The following DDX10 variants were observed in gnomAD, a reference collection of about 807,000 sequenced individuals.
The protein encoded by DDX10 is DEAD-box helicase 10.
A neutral mutation model predicts 104.3 loss-of-function variants in DDX10; 74 were observed. The observed-to-expected ratio is 0.71, with a 90% CI of 0.59 to 0.86. The LOEUF is 0.86. Among genes scored for constraint, DDX10 ranks in the 40% least tolerant of loss-of-function variants. The pLI, the probability that DDX10 is intolerant of heterozygous loss-of-function variation, is 0.00. For missense variants in DDX10, 952 were observed against 1,040.0 expected, an observed-to-expected ratio of 0.92 and a Z score of 1.16; for synonymous variants, 351 against 353.4, an observed-to-expected ratio of 0.99 and a Z score of 0.08.
rs1169770439 is a variant in DDX10 at position 108,926,029 on chromosome 11, A to C, written c.2450+8011A>C. Among the ~76,000 whole-genome samples, 3 of 152,208 alleles carry C rather than the reference A, an allele frequency of 2.0e-5. No individual in the cohort carries two copies. The East Asian group carries it at 5.8e-4, about 29-fold the overall frequency. ...ATATTGAAAACTAATCAGGGAAAGT[A>C]GATTGAGAGAGAAGTGGATGGGATG... On this transcript the variant is annotated intron_variant, in intron 17 of 17. Transcript: ENST00000322536.
chr11:108,679,592 G>A, intron 6 of DDX10, 32 bp downstream of exon 6: 2 of 1,469,414 alleles, frequency 1.4e-6, no homozygotes, highest in Non-Finnish European at 1.8e-6. Flanking sequence ...CAAGATAAAT[G>A]TTTTTTACTT....
Position 108,767,781 on chromosome 11 carries a change from G to C in DDX10, c.1965+44319G>C, listed in dbSNP as rs78964827. Among the ~76,000 whole-genome samples, 1,469 of 152,220 alleles carry C rather than the reference G, an allele frequency of 9.7e-3. 18 individuals carry two copies. Among genetic ancestry groups the C allele is most frequent in the African/African-American group, 0.033 (1,374 of 41,530 alleles). ...GTTGACTCTTGAATAACATAGGTTTGAACTGTGAGAGTCCACTTAAATGTG... is the reference window on the plus strand; with the variant it reads ...GTTGACTCTTGAATAACATAGGTTTCAACTGTGAGAGTCCACTTAAATGTG... On this transcript the variant is annotated intron_variant, in intron 13 of 17. Coordinates refer to ENST00000322536, the MANE Select transcript of DDX10 (RefSeq NM_004398.4).
Position 108,678,435 on chromosome 11 carries a change from G to A in DDX10, c.658G>A (p.Val220Ile), listed in dbSNP as rs760557551. Residue 220 changes from valine to isoleucine, a missense_variant and splice_region_variant, in exon 5 of 18, where the codon GTT (valine) becomes ATT (isoleucine). Val to Ile is a conservative substitution (Grantham distance 29, BLOSUM62 3). This residue lies in a region of DDX10 where 412 missense variants were observed against 479.2 expected (regional missense o/e 0.86). Transcript: ENST00000322536. ...TCATGCTACCGACCTCCAAATGTTA[G>A]GTGAGTCAAATCAATTTCTAATTTA... The part of the protein sequence containing the change: ...SFHATDLQML[V>I]LDEADRILDM... 7 of 1,577,062 alleles carry A rather than the reference G, an allele frequency of 4.4e-6. No homozygotes were observed. The highest frequency in any genetic ancestry group is 6.0e-6 in the Non-Finnish European group (7 of 1,165,984).
At chr11:108,839,973 G>A (rs1233575831) in intron 14 of DDX10, among the ~76,000 whole-genome samples, 2 of 152,206 alleles carry the variant, frequency 1.3e-5, no homozygotes, top group African/African-American at 4.8e-5. Flanking sequence ...ATGTTTCAAT[G>A]TGTACTTAGT....
chr11:108,874,136 C>T (rs1863118806), intron 16 of DDX10, among the ~76,000 whole-genome samples: 1 of 151,982 alleles, frequency 6.6e-6, no homozygotes, highest in Admixed American at 6.5e-5. Context: ...ACAGGATATG[C>T]AGTAAAATCA....
intron 17 of DDX10, among the ~76,000 whole-genome samples, chr11:108,928,352 A>G (rs1450038821): frequency 6.6e-6 from 1 of 152,202 alleles, no homozygotes; most frequent in Non-Finnish European, 1.5e-5. Context: ...GTGTTCTCAG[A>G]AGCATCTGTT....
chr11:108,934,218 A>G (rs1591131936), intron 17 of DDX10, among the ~76,000 whole-genome samples: 2 of 152,332 alleles, frequency 1.3e-5, no homozygotes, highest in Admixed American at 6.5e-5. Context: ...GAGATGATCA[A>G]TTCAATTAAG....
chr11:108,910,723 G>A (rs1863657964), intron 16 of DDX10, among the ~76,000 whole-genome samples: 2 of 142,414 alleles, frequency 1.4e-5, no homozygotes, highest in African/African-American at 2.6e-5. Context: ...AGAGGAGCGT[G>A]CATGCGTGTG....
chr11:108,709,443 G>A (rs1442417333), intron 10 of DDX10, among the ~76,000 whole-genome samples: 4 of 152,328 alleles, frequency 2.6e-5, no homozygotes, highest in Non-Finnish European at 2.9e-5. Flanking sequence ...GGAAGGTTAT[G>A]AATTATTGAT....
intron 13 of DDX10, among the ~76,000 whole-genome samples, chr11:108,745,450 C>T (rs2094330725): frequency 6.6e-6 from 1 of 151,918 alleles, no homozygotes; most frequent in Admixed American, 6.6e-5. Flanking sequence ...CCATGTTGCC[C>T]AGGCTGGTCT....
chr11:108,887,356 A>G (rs1037362429), intron 16 of DDX10, among the ~76,000 whole-genome samples: 8 of 152,060 alleles, frequency 5.3e-5, no homozygotes, highest in African/African-American at 1.9e-4. Context: ...TTTTTTAAAA[A>G]ACCTTAGAAA....
At chr11:108,784,631 C>A (rs1389005520) in intron 13 of DDX10, among the ~76,000 whole-genome samples, 1 of 152,064 alleles carries the variant, frequency 6.6e-6, no homozygotes, top group Non-Finnish European at 1.5e-5. Context: ...TATTTTTTCT[C>A]CGATTCTGTA....
At chr11:108,848,111 T>C (rs1420095451) in intron 15 of DDX10, among the ~76,000 whole-genome samples, 1 of 152,194 alleles carries the variant, frequency 6.6e-6, no homozygotes, top group African/African-American at 2.4e-5. Context: ...TGGAGATTTT[T>C]CATGTTTCCA....
chr11:108,717,286 A>T (rs1048501324), intron 11 of DDX10, among the ~76,000 whole-genome samples: 2 of 152,228 alleles, frequency 1.3e-5, no homozygotes, highest in African/African-American at 4.8e-5. Context: ...TGAAACTGTT[A>T]TTCCTGGCAA....
intron 13 of DDX10, among the ~76,000 whole-genome samples, chr11:108,749,979 A>G (rs1416702996): frequency 6.6e-6 from 1 of 152,168 alleles, no homozygotes; most frequent in Non-Finnish European, 1.5e-5. Context: ...TTTCTAAGGA[A>G]GAAAATGATT....
chr11:108,940,415 C>T lies in DDX10; in HGVS notation c.2620C>T (p.Gln874Ter), dbSNP rs756811305. The change falls in exon 18 of 18, where the codon CAA becomes TAA. Residue 874 changes from glutamine (Q) to a stop codon, truncating the protein, a stop_gained. Coordinates refer to ENST00000322536, the MANE Select transcript of DDX10 (RefSeq NM_004398.4). LOFTEE classifies it high-confidence loss of function. Reference sequence around the variant, plus strand: ...GCTGGTGTTACATCTGCTAAGAAGTCAAAGCTAAATACTTCCTGCGCCTGC... The same window carrying T: ...GCTGGTGTTACATCTGCTAAGAAGTTAAAGCTAAATACTTCCTGCGCCTGC... ...EELVLHLLRS[Q>*]S is the part of the protein sequence containing the mutation. 1 of 1,613,186 alleles carries T rather than the reference C, an allele frequency of 6.2e-7. No individual in the cohort carries two copies. The highest frequency in any genetic ancestry group is 1.3e-5 in the African/African-American group (1 of 74,980).
chr11:108,858,488 G>A (rs563255877), intron 16 of DDX10, among the ~76,000 whole-genome samples: 4 of 152,098 alleles, frequency 2.6e-5, no homozygotes, highest in African/African-American at 7.2e-5. Flanking sequence ...CTAGCACCGG[G>A]GCCTGCAGAA....
chr11:108,772,671 A>G (rs1385189437), intron 13 of DDX10, among the ~76,000 whole-genome samples: 4 of 152,256 alleles, frequency 2.6e-5, no homozygotes, highest in African/African-American at 9.6e-5. Flanking sequence ...GAACCAGGCC[A>G]CACAGCAGAA....
intron 13 of DDX10, among the ~76,000 whole-genome samples, chr11:108,791,312 C>G (rs1337234134): frequency 6.6e-6 from 1 of 152,298 alleles, no homozygotes; most frequent in South Asian, 2.1e-4. Context: ...TCCCTGCCCT[C>G]GCAGCTGATG....
Sources: gnomAD v4.1 joint callset for allele counts (sites outside exome capture counted in the v4.1 genomes callset) on GRCh38, gnomAD v4.1.1 for gene constraint, gnomAD v4.1.1 regional missense constraint, MANE v1.5 for transcripts, NCBI Gene and HGNC (gene_info 2026-07-23, HGNC 2026-07-21) for gene names.